Variants in FOXRED1 observed in about 807,000 individuals in gnomAD.
FOXRED1 encodes the protein FAD-dependent oxidoreductase domain-containing protein 1.
A neutral mutation model predicts 57.8 loss-of-function variants in FOXRED1; 52 were observed. That is an observed-to-expected ratio of 0.90 (90% CI 0.72 to 1.13). FOXRED1 has a LOEUF of 1.13. Ranked by LOEUF, FOXRED1 falls within the 50% of genes most tolerant of loss-of-function variation. FOXRED1 has a pLI of 0.00. For missense variants in FOXRED1, 589 were observed against 625.2 expected (o/e 0.94, Z 0.62); for synonymous variants, 271 against 248.3 (o/e 1.09, Z -0.86).
At position 126,277,327 on chromosome 11, in the gene FOXRED1, G is replaced by A. The variant is rs1322421644; in HGVS notation, c.1207-108G>A. 1.2e-5 allele frequency: 17 copies of A among 1,389,728 alleles called. No individual in the cohort carries two copies. The highest frequency in any genetic ancestry group is 1.6e-5 in the Non-Finnish European group (16 of 977,908). The allele number at this position is 1,389,728 out of a possible 1,614,324, so 86.1% of individuals were successfully genotyped here. On this transcript the variant is annotated intron_variant, in intron 10 of 10. Transcript: ENST00000263578. The surrounding 1 kb of genome is among the most constrained non-coding windows in gnomAD (Gnocchi z 6.8). ...TTTCTTGGACACATCCCATCCCATA[G>A]ACCCCTCAGCAGCAGGTAGAGGGTA... is the stretch of plus-strand genomic sequence containing the variant.
At position 126,273,192 on chromosome 11, in the gene FOXRED1, G is replaced by T; in HGVS notation, c.417+113G>T. 1.0e-6 allele frequency: 1 copy of T among 953,960 alleles called. No individual in the cohort carries two copies. 59.1% of individuals were successfully genotyped at this position (953,960 alleles called of 1,614,324 possible). On this transcript the variant is annotated intron_variant, in intron 3 of 10. Coordinates refer to ENST00000263578, the MANE Select transcript of FOXRED1 (RefSeq NM_017547.4). The surrounding 1 kb of genome is among the most constrained non-coding windows in gnomAD (Gnocchi z 5.9). ...GAGCAAGAATGGGTCAGCCAACTAG[G>T]AGAGGGGGGCCCTGGCCTTCTTCCT...
chr11:126,272,866 C>T lies in FOXRED1; in HGVS notation c.307-103C>T. ...TTAGATTATAGACTTGCAAATAGGA[C>T]TCCCCTTCAACTTTAGGTGTATAGC... On this transcript the variant is annotated intron_variant, in intron 2 of 10. Transcript: ENST00000263578. The surrounding 1 kb of genome is among the most constrained non-coding windows in gnomAD (Gnocchi z 4.6). The T allele has an allele frequency of 2.7e-6, 2 of 753,042 alleles. No individual in the cohort carries two copies. Among genetic ancestry groups the T allele is most frequent in the South Asian group, 1.4e-5 (1 of 71,230 alleles). 46.6% of individuals were successfully genotyped at this position (753,042 alleles called of 1,614,324 possible). A position where few individuals can be genotyped will look rare whatever the true frequency, so the allele number is the denominator to read the frequency against.
In FOXRED1 at chr11:126,273,062, T is replaced by C. The variant is rs1394490629; in HGVS notation, c.400T>C (p.Phe134Leu). 1 of 1,584,818 alleles carries C rather than the reference T, an allele frequency of 6.3e-7. No homozygotes were observed. The highest frequency in any genetic ancestry group is 2.2e-5 in the East Asian group (1 of 44,768). Residue 134 changes from phenylalanine to leucine, a missense_variant, in exon 3 of 11, where the codon TTT becomes CTT. Phe to Leu is a conservative substitution (Grantham distance 22). Transcript: ENST00000263578. This position sits in a 1 kb window ranked among gnomAD's most constrained non-coding sequence, Gnocchi z 5.9. ...NIQLSLFSAS[F>L]LRNINEYLAV... is the part of the protein sequence containing the mutation. ...CCAGCTCTCCCTCTTTTCAGCCAGCTTTCTACGGAACATCAATGTAGGTGC... is the reference window on the plus strand; with the variant it reads ...CCAGCTCTCCCTCTTTTCAGCCAGCCTTCTACGGAACATCAATGTAGGTGC...
chr11:126,269,318 T>C, intron 1 of FOXRED1, 27 bp downstream of exon 1: 1 of 1,613,966 alleles, frequency 6.2e-7, no homozygotes, highest in Non-Finnish European at 8.5e-7. Flanking sequence ...CAGAGGGTAT[T>C]GTGGTTCTGG....
Position 126,273,632 on chromosome 11 carries a change from A to G in FOXRED1, c.536+178A>G. ...ATGCCCTGGGAGTGCTGTACCACAG[A>G]TATGGACAAAACACTGCGAGGTGCT... On this transcript the variant is annotated intron_variant, in intron 4 of 10. Transcript: ENST00000263578. This position sits in a 1 kb window ranked among gnomAD's most constrained non-coding sequence, Gnocchi z 5.9. 3.0e-6 allele frequency: 2 copies of G among 659,350 alleles called. No homozygotes were observed. The highest frequency in any genetic ancestry group is 3.2e-5 in the South Asian group (2 of 63,450). 40.8% of individuals were successfully genotyped at this position (659,350 alleles called of 1,614,324 possible). A position where few individuals can be genotyped will look rare whatever the true frequency, so the allele number is the denominator to read the frequency against.
In FOXRED1 at chr11:126,271,386, A is replaced by T. The variant is rs777507019; in HGVS notation, c.86-51A>T. On this transcript the variant is annotated intron_variant, in intron 1 of 10. Coordinates refer to ENST00000263578, the MANE Select transcript of FOXRED1 (RefSeq NM_017547.4). This position sits in a 1 kb window ranked among gnomAD's most constrained non-coding sequence, Gnocchi z 5.3. ...CCTGTGCCCATCCTCCAACCCCCCA[A>T]CCATGTGGGAAGGAAATGTTTGGCC... 5 of 1,383,874 alleles carry T rather than the reference A, an allele frequency of 3.6e-6. No homozygotes were observed. Among genetic ancestry groups the T allele is most frequent in the Non-Finnish European group, 5.2e-6 (5 of 970,400 alleles). 85.7% of individuals were successfully genotyped at this position (1,383,874 alleles called of 1,614,324 possible). A position where few individuals can be genotyped will look rare whatever the true frequency, so the allele number is the denominator to read the frequency against.
rs756666885 is a variant in FOXRED1 at position 126,269,171 on chromosome 11, A to T, written c.-36A>T. Reference sequence around the variant, plus strand: ...ACGGCTGCGATAATAGCGAGGCAGCAGTGCAGCTTTCAGAGGGTCCGGGCT... The same window carrying T: ...ACGGCTGCGATAATAGCGAGGCAGCTGTGCAGCTTTCAGAGGGTCCGGGCT... On this transcript the variant is annotated 5_prime_UTR_variant, in exon 1 of 11. Transcript: ENST00000263578. The T allele has an allele frequency of 6.8e-7, 1 of 1,470,152 alleles. No homozygotes were observed. The highest frequency in any genetic ancestry group is 1.4e-5 in the African/African-American group (1 of 72,766). 91.1% of individuals were successfully genotyped at this position (1,470,152 alleles called of 1,614,324 possible).
chr11:126,274,782 G>A lies in FOXRED1; in HGVS notation c.537-145G>A. ...AGGAGGCTTGGTCTTCAGCCGCTCAGCAATGAGGAAAAATAGGGGCATTTG... is the reference window on the plus strand; with the variant it reads ...AGGAGGCTTGGTCTTCAGCCGCTCAACAATGAGGAAAAATAGGGGCATTTG... On this transcript the variant is annotated intron_variant, in intron 4 of 10. Coordinates refer to ENST00000263578, the MANE Select transcript of FOXRED1 (RefSeq NM_017547.4). The surrounding 1 kb of genome is among the most constrained non-coding windows in gnomAD (Gnocchi z 4.8). 1.4e-6 allele frequency: 1 copy of A among 721,000 alleles called. No individual in the cohort carries two copies. 44.7% of individuals were successfully genotyped at this position (721,000 alleles called of 1,614,324 possible).
chr11:126,269,441 G>A (rs928582995), intron 1 of FOXRED1, 150 bp downstream of exon 1: 1 of 1,485,072 alleles, frequency 6.7e-7, no homozygotes. Flanking sequence ...AGAGCTTGTA[G>A]GGGCTGTGCA....
Position 126,269,248 on chromosome 11 carries a change from C to A in FOXRED1, c.42C>A (p.Leu14=), listed in dbSNP as rs144874060. 9.1e-5 allele frequency: 147 copies of A among 1,614,210 alleles called. 1 individual carries two copies. In the African/African-American group the frequency reaches 1.8e-3, roughly 19 times the overall value. Residue 14 remains leucine, a synonymous_variant, in exon 1 of 11, where the codon CTC becomes CTA. Transcript: ENST00000263578. The part of the protein sequence containing the change: ...RVLPHGMGRG[L]LTRRPGTRRG... ...TGCCGCACGGCATGGGCCGGGGCCT[C>A]TTGACCCGGAGGCCAGGCACGCGCA...
In FOXRED1 at chr11:126,277,461, C is replaced by T. The variant is rs754219853; in HGVS notation, c.1233C>T (p.Tyr411=). Residue 411 remains tyrosine, a synonymous_variant, in exon 11 of 11, where the codon TAC becomes TAT. Coordinates refer to ENST00000263578, the MANE Select transcript of FOXRED1 (RefSeq NM_017547.4). This position sits in a 1 kb window ranked among gnomAD's most constrained non-coding sequence, Gnocchi z 6.8. ...LKVQSAWAGY[Y]DYNTFDQNGV... ...TTCAGAGCGCCTGGGCCGGCTATTA[C>T]GACTACAACACCTTTGACCAGAATG... The T allele has an allele frequency of 5.6e-6, 9 of 1,613,286 alleles. No individual in the cohort carries two copies. The highest frequency in any genetic ancestry group is 1.3e-5 in the African/African-American group (1 of 75,042).
Position 126,273,416 on chromosome 11 carries a change from G to A in FOXRED1, c.498G>A (p.Lys166=), listed in dbSNP as rs770950491. The change falls in exon 4 of 11, where the codon AAG becomes AAA. Residue 166 remains lysine (K), a synonymous_variant. Transcript: ENST00000263578. The surrounding 1 kb of genome is among the most constrained non-coding windows in gnomAD (Gnocchi z 5.9). ...GCTACCTCTTGCTGGCTTCAGAAAA[G>A]GATGCTGCAGCCATGGAGAGCAACG... The part of the protein sequence containing the change: ...PSGYLLLASE[K]DAAAMESNVK... 17 of 1,613,784 alleles carry A rather than the reference G, an allele frequency of 1.1e-5. No individual in the cohort carries two copies. The South Asian group carries it at 1.6e-4, about 16-fold the overall frequency.
At position 126,271,090 on chromosome 11, in the gene FOXRED1, G is replaced by A. The variant is rs979513086; in HGVS notation, c.86-347G>A. 2.3e-5 allele frequency: 8 copies of A among 351,874 alleles called. No individual in the cohort carries two copies. The highest frequency in any genetic ancestry group is 3.9e-5 in the Non-Finnish European group (7 of 180,340). The allele number at this position is 351,874 out of a possible 1,614,324, so 21.8% of individuals were successfully genotyped here. On this transcript the variant is annotated intron_variant, in intron 1 of 10. Transcript: ENST00000263578. This position sits in a 1 kb window ranked among gnomAD's most constrained non-coding sequence, Gnocchi z 5.3. ...GGTGCCGTGACTTGGGGTGTGCCAG[G>A]GCCTCTTGGTCCAAGGCCTGGAAGA...
In FOXRED1 at chr11:126,277,538, T is replaced by G; in HGVS notation, c.1310T>G (p.Phe437Cys). ...LVVNMYFATG[F>C]SGHGLQQAPG... The stretch of plus-strand genomic sequence containing the variant: ...GTCAACATGTACTTTGCTACTGGCT[T>G]CAGTGGTCACGGGCTCCAGCAGGCC... Residue 437 changes from phenylalanine (F) to cysteine (C), a missense_variant, in exon 11 of 11, where the codon TTC becomes TGC. Physicochemically the swap from Phe to Cys is radical, Grantham distance 205. Coordinates refer to ENST00000263578, the MANE Select transcript of FOXRED1 (RefSeq NM_017547.4). The surrounding 1 kb of genome is among the most constrained non-coding windows in gnomAD (Gnocchi z 6.8). The G allele has an allele frequency of 1.2e-6, 2 of 1,613,756 alleles. No homozygotes were observed. Among genetic ancestry groups the G allele is most frequent in the African/African-American group, 1.3e-5 (1 of 75,060 alleles).
Position 126,271,665 on chromosome 11 carries a change from C to T in FOXRED1, c.306+8C>T. The T allele has an allele frequency of 6.2e-7, 1 of 1,608,440 alleles. No individual in the cohort carries two copies. Among genetic ancestry groups the T allele is most frequent in the Non-Finnish European group, 8.5e-7 (1 of 1,175,738 alleles). ...GTGGAACGGGACCACACGGTGAGGT[C>T]TGGGGTAGGGCAGAGTCATGAGTGG... On this transcript the variant is annotated splice_region_variant and intron_variant, in intron 2 of 10. Transcript: ENST00000263578. This position sits in a 1 kb window ranked among gnomAD's most constrained non-coding sequence, Gnocchi z 5.3.
rs755274281 is a variant in FOXRED1 at position 126,274,792 on chromosome 11, A to G, written c.537-135A>G. The G allele has an allele frequency of 3.9e-5, 29 of 743,236 alleles. No individual in the cohort carries two copies. Among genetic ancestry groups the G allele is most frequent in the Non-Finnish European group, 7.0e-5 (28 of 401,052 alleles). 46.0% of individuals were successfully genotyped at this position (743,236 alleles called of 1,614,324 possible). On this transcript the variant is annotated intron_variant, in intron 4 of 10. Coordinates refer to ENST00000263578, the MANE Select transcript of FOXRED1 (RefSeq NM_017547.4). The surrounding 1 kb of genome is among the most constrained non-coding windows in gnomAD (Gnocchi z 4.8). ...GTCTTCAGCCGCTCAGCAATGAGGAAAAATAGGGGCATTTGGGGCAGAGAA... is the reference window on the plus strand; with the variant it reads ...GTCTTCAGCCGCTCAGCAATGAGGAGAAATAGGGGCATTTGGGGCAGAGAA...
In FOXRED1 at chr11:126,275,600, C is replaced by A; in HGVS notation, c.733+172C>A. ...GATCTGCGTTGTGACTTGTGATCTG[C>A]TTGATGATTGCACCTGAGCACTGTC... On this transcript the variant is annotated intron_variant, in intron 6 of 10. Coordinates refer to ENST00000263578, the MANE Select transcript of FOXRED1 (RefSeq NM_017547.4). The surrounding 1 kb of genome is among the most constrained non-coding windows in gnomAD (Gnocchi z 5.9). 1 of 720,770 alleles carries A rather than the reference C, an allele frequency of 1.4e-6. No individual in the cohort carries two copies. Among genetic ancestry groups the A allele is most frequent in the Non-Finnish European group, 2.5e-6 (1 of 399,318 alleles). 44.6% of individuals were successfully genotyped at this position (720,770 alleles called of 1,614,324 possible).
rs1461404321 is a variant in FOXRED1, at chr11:126,273,034, C to T, written c.372C>T (p.Asn124=). The change falls in exon 3 of 11, where the codon AAC becomes AAT. Residue 124 remains asparagine (N), a synonymous_variant. Coordinates refer to ENST00000263578, the MANE Select transcript of FOXRED1 (RefSeq NM_017547.4). This position sits in a 1 kb window ranked among gnomAD's most constrained non-coding sequence, Gnocchi z 5.9. The stretch of plus-strand genomic sequence containing the variant: ...GTCAGCAGTTCTCATTGCCTGAGAA[C>T]ATCCAGCTCTCCCTCTTTTCAGCCA... The part of the protein sequence containing the change: ...GICQQFSLPE[N]IQLSLFSASF... 16 of 1,606,976 alleles carry T rather than the reference C, an allele frequency of 1.0e-5. No individual in the cohort carries two copies. The highest frequency in any genetic ancestry group is 1.4e-5 in the Non-Finnish European group (16 of 1,173,484).
In FOXRED1 at chr11:126,271,719, G is replaced by A. The variant is rs533906822; in HGVS notation, c.306+62G>A. On this transcript the variant is annotated intron_variant, in intron 2 of 10. Coordinates refer to ENST00000263578, the MANE Select transcript of FOXRED1 (RefSeq NM_017547.4). This position sits in a 1 kb window ranked among gnomAD's most constrained non-coding sequence, Gnocchi z 5.3. ...AAGAAAGATGACTCATTTTATTAAG[G>A]ACTCTAGCGACAAGGGAAGGAGAGG... 7.6e-7 allele frequency: 1 copy of A among 1,314,296 alleles called. No homozygotes were observed. Among genetic ancestry groups the A allele is most frequent in the African/African-American group, 1.4e-5 (1 of 69,338 alleles). 81.4% of individuals were successfully genotyped at this position (1,314,296 alleles called of 1,614,324 possible).
Sources: gnomAD v4.1 joint callset for allele counts on GRCh38, gnomAD v4.1.1 for gene constraint, Gnocchi (gnomAD v3.1) non-coding constraint, MANE v1.5 for transcripts, NCBI Gene and HGNC (gene_info 2026-07-23, HGNC 2026-07-21) for gene names.